RASGEF1C: variants seen among roughly 807,000 people sequenced by gnomAD.
The protein encoded by RASGEF1C is RasGEF domain family member 1C.
A neutral mutation model predicts 58.1 loss-of-function variants in RASGEF1C; 27 were observed. The observed-to-expected ratio is 0.46, with a 90% confidence interval of 0.34 to 0.64. The LOEUF is 0.64. RASGEF1C is among the 30% of genes least tolerant of loss of function. The pLI is 0.01. For missense variants in RASGEF1C, 502 were observed against 605.1 expected (o/e 0.83, Z 1.79); for synonymous variants, 243 against 246.3 (o/e 0.99, Z 0.13).
At position 180,102,118 on chromosome 5, in the gene RASGEF1C, A is replaced by C; in HGVS notation, c.1329T>G (p.Ser443Arg). Residue 443 changes from serine to arginine, a missense_variant, in exon 13 of 14, where the codon AGT becomes AGG. Physicochemically the swap from Ser to Arg is moderately radical, Grantham distance 110 (BLOSUM62 -1). Transcript: ENST00000361132. ...TTTCTGTTTGGTTCTCTGGGCTCTC[A>C]CTTTCGTAAGAAGCCAAATAAAGAC... is the stretch of plus-strand genomic sequence containing the variant. ...EDGLYLASYE[S>R]ESPENQTEKE... 1 of 1,601,186 alleles carries C rather than the reference A, an allele frequency of 6.2e-7. No individual in the cohort carries two copies. Among genetic ancestry groups the C allele is most frequent in the Non-Finnish European group, 8.6e-7 (1 of 1,168,308 alleles).
intron 1 of RASGEF1C, among the ~76,000 whole-genome samples, chr5:180,152,722 AAAAAAG>A (rs1766781181): frequency 6.6e-6 from 1 of 151,722 alleles, no homozygotes; most frequent in Admixed American, 6.6e-5. Flanking sequence ...ATTAAAAAAA[AAAAAAG>A]AAAGAAAACC....
At chr5:180,131,630 C>T (rs1766372297) in intron 4 of RASGEF1C, among the ~76,000 whole-genome samples, 2 of 152,218 alleles carry the variant, frequency 1.3e-5, no homozygotes, top group Non-Finnish European at 1.5e-5. Context: ...AGCTGGCTCA[C>T]AGGAGGTGTC....
intron 1 of RASGEF1C, among the ~76,000 whole-genome samples, chr5:180,189,722 G>C (rs1756109810): frequency 6.6e-6 from 1 of 151,944 alleles, no homozygotes; most frequent in Non-Finnish European, 1.5e-5. Flanking sequence ...AAAAGTTTGA[G>C]ACCAGCCTGG....
chr5:180,109,226 G>A (rs1023954688), intron 12 of RASGEF1C, among the ~76,000 whole-genome samples: 5 of 152,152 alleles, frequency 3.3e-5, no homozygotes, highest in African/African-American at 9.7e-5. Context: ...GGAGGCTGAG[G>A]CGGGTGGATC....
At chr5:180,202,476 A>T (rs1231239258) in intron 1 of RASGEF1C, among the ~76,000 whole-genome samples, 1 of 152,202 alleles carries the variant, frequency 6.6e-6, no homozygotes, top group Non-Finnish European at 1.5e-5. Context: ...AAGAAAAAAA[A>T]TTCTTTGGAG....
intron 1 of RASGEF1C, among the ~76,000 whole-genome samples, chr5:180,173,721 T>G (rs565154265): frequency 1.1e-4 from 16 of 152,202 alleles, no homozygotes; most frequent in South Asian, 6.2e-4. Flanking sequence ...GAGACCAGCC[T>G]GGCCAACATG....
At chr5:180,169,561 G>C (rs953469795) in intron 1 of RASGEF1C, among the ~76,000 whole-genome samples, 13 of 150,414 alleles carry the variant, frequency 8.6e-5, no homozygotes, top group Non-Finnish European at 1.8e-4. Context: ...GAGGGCTGCT[G>C]GTCAGCTGGG....
chr5:180,164,327 T>C (rs1027074705), intron 1 of RASGEF1C, among the ~76,000 whole-genome samples: 10 of 152,218 alleles, frequency 6.6e-5, no homozygotes, highest in African/African-American at 2.4e-4. Flanking sequence ...CAATGATTGA[T>C]TTGAGATCTT....
chr5:180,169,355 C>T (rs1396731677), intron 1 of RASGEF1C, among the ~76,000 whole-genome samples: 1 of 152,186 alleles, frequency 6.6e-6, no homozygotes, highest in African/African-American at 2.4e-5. Context: ...GAGTAAGGGC[C>T]TTCATGGTTC....
At chr5:180,159,119 A>C (rs1766896530) in intron 1 of RASGEF1C, among the ~76,000 whole-genome samples, 1 of 148,530 alleles carries the variant, frequency 6.7e-6, no homozygotes, top group Admixed American at 6.8e-5. Context: ...AACATTAGTA[A>C]CAAGTTTTTT....
At chr5:180,152,526 A>G (rs1051306876) in intron 1 of RASGEF1C, among the ~76,000 whole-genome samples, 33 of 135,164 alleles carry the variant, frequency 2.4e-4, no homozygotes, top group African/African-American at 8.1e-4. Context: ...GAACACATGG[A>G]CACAGGAAGG....
intron 1 of RASGEF1C, among the ~76,000 whole-genome samples, chr5:180,163,455 C>T (rs150930252): frequency 9.2e-5 from 14 of 151,984 alleles, no homozygotes; most frequent in Admixed American, 2.0e-4. Flanking sequence ...AGTTTTATCA[C>T]GAATGGATGT....
chr5:180,181,970 G>A (rs919651783), intron 1 of RASGEF1C, among the ~76,000 whole-genome samples: 20 of 151,660 alleles, frequency 1.3e-4, no homozygotes, highest in African/African-American at 4.6e-4. Flanking sequence ...TTGGGAGGCC[G>A]AGACGGGCGG....
At chr5:180,128,756 G>A (rs1005037471) in intron 4 of RASGEF1C, 146 bp from the exon 5 acceptor site, 14 of 807,074 alleles carry the variant, frequency 1.7e-5, no homozygotes, top group Non-Finnish European at 2.7e-5. Context: ...GCAGGGGCCA[G>A]GACCTGCCCC....
At chr5:180,144,236 G>A (rs914153619) in intron 1 of RASGEF1C, among the ~76,000 whole-genome samples, 1 of 152,166 alleles carries the variant, frequency 6.6e-6, no homozygotes, top group Non-Finnish European at 1.5e-5. Context: ...CATGGCTTCT[G>A]TGCTGGCTGC....
intron 1 of RASGEF1C, among the ~76,000 whole-genome samples, chr5:180,140,560 G>A (rs752634244): frequency 1.1e-4 from 17 of 152,278 alleles, no homozygotes; most frequent in Admixed American, 7.2e-4. Context: ...GAGAAGGTGA[G>A]GTCAGAGCTG....
At chr5:180,154,536 G>T (rs1766821603) in intron 1 of RASGEF1C, among the ~76,000 whole-genome samples, 1 of 151,704 alleles carries the variant, frequency 6.6e-6, no homozygotes, top group African/African-American at 2.4e-5. Flanking sequence ...AAGTGGGGTG[G>T]ACAAGTTACC....
At chr5:180,130,782 G>A (rs533572251) in intron 4 of RASGEF1C, among the ~76,000 whole-genome samples, 1 of 152,196 alleles carries the variant, frequency 6.6e-6, no homozygotes, top group East Asian at 1.9e-4. Flanking sequence ...CTTAGCTCCT[G>A]GCTGTTCTGC....
At position 180,177,776 on chromosome 5, in the gene RASGEF1C, G is replaced by A. The variant is rs1180890476; in HGVS notation, c.-7+31252C>T. Among the ~76,000 whole-genome samples the A allele has an allele frequency of 4.6e-5, 7 of 152,158 alleles. No individual in the cohort carries two copies. Among genetic ancestry groups the A allele is most frequent in the South Asian group, 2.1e-4 (1 of 4,818 alleles). ...CTGGGTGGGCCACCAGACTCAGTTC[G>A]TGGGACATTTATTTGAACTGTCTGA... On this transcript the variant is annotated intron_variant, in intron 1 of 13. Transcript: ENST00000361132. This position sits in a 1 kb window ranked among gnomAD's most constrained non-coding sequence, Gnocchi z 5.0.
Sources: allele counts gnomAD v4.1 joint callset (sites outside exome capture counted in the v4.1 genomes callset), GRCh38; gene constraint gnomAD v4.1.1; non-coding constraint Gnocchi (gnomAD v3.1); transcripts MANE v1.5; gene names NCBI Gene and HGNC (gene_info 2026-07-23, HGNC 2026-07-21).